The following NHSL1 variants were observed in gnomAD, a reference collection of about 807,000 sequenced individuals.
The protein encoded by NHSL1 is NHS-like protein 1.
NHSL1 carries 48 observed loss-of-function variants against 95.0 expected under a neutral mutation model. The ratio of observed to expected loss-of-function variants is 0.51; its 90% CI spans 0.40 to 0.64. The LOEUF (loss-of-function observed/expected upper bound fraction) is 0.64. NHSL1 is among the 30% of genes least tolerant of loss of function. NHSL1 has a pLI of 0.00. For missense variants in NHSL1, 1,971 were observed against 2,077.7 expected (o/e 0.95, Z 1.00); for synonymous variants, 783 against 833.9 (o/e 0.94, Z 1.05).
At chr6:138,551,494 C>A (rs1326180064) in intron 1 of NHSL1, among the ~76,000 whole-genome samples, 4 of 152,108 alleles carry the variant, frequency 2.6e-5, no homozygotes, top group African/African-American at 9.7e-5. Context: ...GAGAAGAATC[C>A]ACTCTGGTGG....
chr6:138,574,882 T>C (rs576581046), upstream of NHSL1, among the ~76,000 whole-genome samples: 1 of 151,900 alleles, frequency 6.6e-6, no homozygotes, highest in African/African-American at 2.4e-5. Context: ...AAAAATTATA[T>C]ATATGCTTAA....
At chr6:138,575,457 C>T (rs1467602774), upstream of NHSL1, among the ~76,000 whole-genome samples, 2 of 152,180 alleles carry the variant, frequency 1.3e-5, no homozygotes, top group Admixed American at 6.5e-5. Flanking sequence ...AAAGTAAGTG[C>T]CCACGTCTGC....
At chr6:138,435,200 C>T (rs139923770) in intron 5 of NHSL1, 10 of 154,836 alleles carry the variant, frequency 6.5e-5, no homozygotes, top group South Asian at 2.0e-4. Context: ...TGACTGGTAT[C>T]GGTGTATCAG....
intron 1 of NHSL1, among the ~76,000 whole-genome samples, chr6:138,583,008 C>T (rs112586884): frequency 2.0e-5 from 3 of 152,200 alleles, no homozygotes; most frequent in African/African-American, 7.2e-5. Context: ...CAGTGAATCT[C>T]GGCTGAACTC....
chr6:138,478,421 A>G (rs1035577522), intron 2 of NHSL1, among the ~76,000 whole-genome samples: 1 of 152,200 alleles, frequency 6.6e-6, no homozygotes, highest in African/African-American at 2.4e-5. Context: ...GAAATCTAGT[A>G]AACTCATAAA....
Position 138,433,063 on chromosome 6 carries a change from G to C in NHSL1, c.1282C>G (p.Pro428Ala), listed in dbSNP as rs1376402637. Residue 428 changes from proline to alanine, a missense_variant, in exon 6 of 8, where the codon CCC (proline) becomes GCC (alanine). Physicochemically the swap from Pro to Ala is conservative, Grantham distance 27 (BLOSUM62 -1). Around this residue, in one of 3 missense-constraint regions of NHSL1, gnomAD observed 1,602 missense variants for 1,654.5 expected, o/e 0.97. Transcript: ENST00000343505. ...CGCTGTCCCGCACTCTGAGCAGTGGGAATAGCGATGACCTCGGAAGAGGAA... is the reference window on the plus strand; with the variant it reads ...CGCTGTCCCGCACTCTGAGCAGTGGCAATAGCGATGACCTCGGAAGAGGAA... ...LSSSSEVIAI[P>A]TAQSAGQRES... is the part of the protein sequence containing the mutation. The C allele has an allele frequency of 1.9e-6, 3 of 1,551,364 alleles. No homozygotes were observed. Among genetic ancestry groups the C allele is most frequent in the Non-Finnish European group, 1.7e-6 (2 of 1,146,918 alleles).
At chr6:138,556,235 A>G (rs1783191426) in intron 1 of NHSL1, among the ~76,000 whole-genome samples, 1 of 152,162 alleles carries the variant, frequency 6.6e-6, no homozygotes, top group Non-Finnish European at 1.5e-5. Flanking sequence ...TTCATTAGAA[A>G]AGAAAGACAT....
intron 1 of NHSL1, among the ~76,000 whole-genome samples, chr6:138,619,947 CAAAAAA>C (rs11376703): frequency 2.0e-5 from 2 of 102,200 alleles, no homozygotes; most frequent in African/African-American, 7.3e-5. Context: ...AACTCTATCA[CAAAAAA>C]AAAAAAAAAA....
In NHSL1 at chr6:138,453,454, A is replaced by G. The variant is rs1204455016; in HGVS notation, c.340-6261T>C. Among the ~76,000 whole-genome samples, 8 of 152,248 alleles carry G rather than the reference A, an allele frequency of 5.3e-5. No individual in the cohort carries two copies. The East Asian group carries it at 1.5e-3, about 29-fold the overall frequency. ...ATGGCAGCCTCAGATTCCTGGGCTC[A>G]AGCAATCCTCCTGCCTCAGTTTCCC... On this transcript the variant is annotated intron_variant, in intron 3 of 7. Transcript: ENST00000343505.
chr6:138,552,298 A>G (rs1331687782), intron 1 of NHSL1, among the ~76,000 whole-genome samples: 1 of 152,042 alleles, frequency 6.6e-6, no homozygotes, highest in Non-Finnish European at 1.5e-5. Context: ...GCACGCCTCT[A>G]AGTCTCAGCT....
intron 5 of NHSL1, among the ~76,000 whole-genome samples, chr6:138,440,766 T>A (rs1776476595): frequency 6.6e-6 from 1 of 152,232 alleles, no homozygotes; most frequent in South Asian, 2.1e-4. Flanking sequence ...ACCCAGAAGG[T>A]GACATACAAC....
Position 138,424,256 on chromosome 6 carries a change from C to G in NHSL1, c.4646G>C (p.Gly1549Ala), listed in dbSNP as rs777283286. 6.0e-6 allele frequency: 9 copies of G among 1,501,690 alleles called. No individual in the cohort carries two copies. The South Asian group carries it at 1.2e-4, about 20-fold the overall frequency. 93.0% of individuals were successfully genotyped at this position (1,501,690 alleles called of 1,614,324 possible). A position where few individuals can be genotyped will look rare whatever the true frequency, so the allele number is the denominator to read the frequency against. Reference protein sequence around the residue: ...IARGALGAAEGCSLDGLAREE... With the variant: ...IARGALGAAEACSLDGLAREE... ...CCTCGCCAGTCCGTCCAGGGAACAT[C>G]CCTCCGCAGCGCCCAGAGCCCCGCG... Residue 1549 changes from glycine (G) to alanine (A), a missense_variant, in exon 8 of 8, where the codon GGA becomes GCA. Physicochemically the swap from Gly to Ala is moderately conservative, Grantham distance 60 (BLOSUM62 0). Around this residue, in one of 3 missense-constraint regions of NHSL1, gnomAD observed 223 missense variants for 217.0 expected, o/e 1.03. Coordinates refer to ENST00000343505, the MANE Select transcript of NHSL1 (RefSeq NM_001144060.2). This position sits in a 1 kb window ranked among gnomAD's most constrained non-coding sequence, Gnocchi z 5.9.
At chr6:138,672,573 G>A (rs1221678695) in intron 1 of NHSL1, among the ~76,000 whole-genome samples, 1 of 152,128 alleles carries the variant, frequency 6.6e-6, no homozygotes, top group African/African-American at 2.4e-5. Flanking sequence ...GTGGAATCAA[G>A]TACAAGCAGA....
chr6:138,509,866 C>G (rs935124861), intron 1 of NHSL1, among the ~76,000 whole-genome samples: 1 of 152,070 alleles, frequency 6.6e-6, no homozygotes, highest in Admixed American at 6.5e-5. Flanking sequence ...ATTTCTAAAT[C>G]AATAAGGGGG....
chr6:138,581,627 G>T (rs1415108063), intron 1 of NHSL1, among the ~76,000 whole-genome samples: 1 of 145,892 alleles, frequency 6.9e-6, no homozygotes, highest in African/African-American at 2.5e-5. Context: ...AGGAGACTGA[G>T]ATTGCTGTGA....
At chr6:138,521,164 G>A (rs143831530) in intron 1 of NHSL1, among the ~76,000 whole-genome samples, 15 of 152,268 alleles carry the variant, frequency 9.9e-5, no homozygotes, top group East Asian at 5.8e-4. Flanking sequence ...AATAGTATTC[G>A]TTTCAAAACA....
At chr6:138,580,095 A>C (rs1022743130) in intron 1 of NHSL1, among the ~76,000 whole-genome samples, 1 of 152,248 alleles carries the variant, frequency 6.6e-6, no homozygotes, top group African/African-American at 2.4e-5. Flanking sequence ...GTACGTTTCC[A>C]AACAAGGAAA....
At chr6:138,616,711 C>T (rs1298325892) in intron 1 of NHSL1, among the ~76,000 whole-genome samples, 2 of 152,140 alleles carry the variant, frequency 1.3e-5, no homozygotes, top group Admixed American at 1.3e-4. Context: ...GGGGAGAGGC[C>T]AGAACAGGTC....
At chr6:138,619,516 T>G (rs1562393538) in intron 1 of NHSL1, among the ~76,000 whole-genome samples, 1 of 152,200 alleles carries the variant, frequency 6.6e-6, no homozygotes, top group Non-Finnish European at 1.5e-5. Flanking sequence ...TTACTTTTCG[T>G]ACCTACTATT....
Sources: allele counts gnomAD v4.1 joint callset (sites outside exome capture counted in the v4.1 genomes callset), GRCh38; gene constraint gnomAD v4.1.1; regional missense constraint gnomAD v4.1.1; non-coding constraint Gnocchi (gnomAD v3.1); transcripts MANE v1.5; gene names NCBI Gene and HGNC (gene_info 2026-07-23, HGNC 2026-07-21).